Variants in DPY19L4 observed in about 807,000 individuals in gnomAD.
DPY19L4 encodes dpy-19 like 4.
In DPY19L4, 97 loss-of-function variants were observed where a neutral mutation model predicts 102.8. The observed-to-expected ratio is 0.94, with a 90% CI of 0.80 to 1.12. The LOEUF is 1.12. Among genes scored for constraint, DPY19L4 ranks in the 50% most tolerant of loss-of-function variants. DPY19L4 has a pLI of 0.00. For synonymous variants in DPY19L4, 252 were observed against 283.1 expected, an observed-to-expected ratio of 0.89 and a Z score of 1.10; for missense variants, 815 against 850.4, an observed-to-expected ratio of 0.96 and a Z score of 0.52.
At chr8:94,760,638 A>G (rs746500181) in intron 7 of DPY19L4, among the ~76,000 whole-genome samples, 1 of 152,228 alleles carries the variant, frequency 6.6e-6, no homozygotes, top group African/African-American at 2.4e-5. Context: ...CAGAGAGCAC[A>G]GTTCTTATCT....
At chr8:94,745,877 C>T (rs1025688103) in intron 6 of DPY19L4, among the ~76,000 whole-genome samples, 3 of 152,032 alleles carry the variant, frequency 2.0e-5, no homozygotes, top group African/African-American at 4.8e-5. Context: ...GCCTCAGCCT[C>T]CCGAGTAGCT....
In DPY19L4 at chr8:94,751,118, C is replaced by CTTTCTTT. The variant is rs1261561359; in HGVS notation, c.612-4915_612-4914insCTTTTTT. On this transcript the variant is annotated intron_variant, in intron 6 of 18. Coordinates refer to ENST00000414645, the MANE Select transcript of DPY19L4 (RefSeq NM_181787.3). ...TTTCTAATACCTCCCTCTTTTCTTT[C>CTTTCTTT]TTTTCTTTTTTTTTTTTTGAGACAG... is the stretch of plus-strand genomic sequence containing the variant. Among the ~76,000 whole-genome samples, 250 of 116,946 alleles carry CTTTCTTT rather than the reference C, an allele frequency of 2.1e-3. 1 individual carries two copies. Among genetic ancestry groups the CTTTCTTT allele is most frequent in the Admixed American group, 5.1e-3 (61 of 12,068 alleles). 76.7% of individuals were successfully genotyped at this position (116,946 alleles called of 152,430 possible).
chr8:94,783,293 A>T (rs1813512931), intron 16 of DPY19L4, among the ~76,000 whole-genome samples: 1 of 151,416 alleles, frequency 6.6e-6, no homozygotes, highest in Admixed American at 6.6e-5. Flanking sequence ...AATTTGCAAA[A>T]GATGGAGTTG....
chr8:94,770,199 G>A (rs940686504), intron 12 of DPY19L4, among the ~76,000 whole-genome samples: 32 of 151,818 alleles, frequency 2.1e-4, no homozygotes, highest in Non-Finnish European at 5.9e-5. Context: ...TTTTTATTTT[G>A]CTGAAAATTC....
intron 3 of DPY19L4, among the ~76,000 whole-genome samples, chr8:94,735,688 A>T (rs1394555477): frequency 6.6e-6 from 1 of 152,214 alleles, no homozygotes; most frequent in Non-Finnish European, 1.5e-5. Context: ...GAAGGCCTTC[A>T]TTAAGAACTT....
intron 6 of DPY19L4, among the ~76,000 whole-genome samples, chr8:94,742,558 AAT>A (rs1491236239): frequency 7.8e-5 from 9 of 114,990 alleles, no homozygotes; most frequent in African/African-American, 3.6e-4. Flanking sequence ...ATGCCTGGCT[AAT>A]TTTTTTTTTT....
intron 13 of DPY19L4, among the ~76,000 whole-genome samples, chr8:94,772,421 T>A (rs1280985357): frequency 6.6e-6 from 1 of 152,154 alleles, no homozygotes; most frequent in East Asian, 1.9e-4. Flanking sequence ...TTACAGTTGG[T>A]TACAGTGAAA....
chr8:94,791,867 A>G lies in DPY19L4; in HGVS notation c.*1957A>G, dbSNP rs764348417. ...GTTAATGGGATGTTTTAAATAATGA[A>G]TTTTTCATCCAGCATCAGTTGAAAA... is the stretch of plus-strand genomic sequence containing the variant. On this transcript the variant is annotated 3_prime_UTR_variant, in exon 19 of 19. Coordinates refer to ENST00000414645, the MANE Select transcript of DPY19L4 (RefSeq NM_181787.3). The G allele has an allele frequency of 1.3e-5, 2 of 152,140 alleles. No homozygotes were observed. The allele number at this position is 152,140 out of a possible 1,614,324, so 9.4% of individuals were successfully genotyped here.
intron 2 of DPY19L4, among the ~76,000 whole-genome samples, chr8:94,728,618 G>A (rs1365377600): frequency 6.6e-6 from 1 of 152,144 alleles, no homozygotes; most frequent in African/African-American, 2.4e-5. Context: ...AACTATATTT[G>A]GGAGCTGGAA....
At chr8:94,778,012 C>T (rs1813264039) in intron 14 of DPY19L4, among the ~76,000 whole-genome samples, 1 of 152,106 alleles carries the variant, frequency 6.6e-6, no homozygotes, top group Non-Finnish European at 1.5e-5. Flanking sequence ...GGGTGGATCA[C>T]TTGAGGCCAG....
intron 7 of DPY19L4, among the ~76,000 whole-genome samples, chr8:94,759,567 C>A (rs935468552): frequency 7.7e-6 from 1 of 129,930 alleles, no homozygotes; most frequent in Non-Finnish European, 1.5e-5. Context: ...AGTGCAATGG[C>A]ATGATCTCAG....
intron 12 of DPY19L4, among the ~76,000 whole-genome samples, chr8:94,769,436 A>G (rs1812825709): frequency 6.6e-6 from 1 of 152,232 alleles, no homozygotes; most frequent in Admixed American, 6.5e-5. Flanking sequence ...TATAACTGAT[A>G]TTTAAATAAT....
chr8:94,735,583 G>A (rs140963015), intron 3 of DPY19L4, among the ~76,000 whole-genome samples: 17 of 152,320 alleles, frequency 1.1e-4, no homozygotes, highest in African/African-American at 3.8e-4. Flanking sequence ...TTAGGTAGGG[G>A]CAGTGGGACA....
chr8:94,770,876 C>A (rs1812898902), intron 13 of DPY19L4, among the ~76,000 whole-genome samples: 1 of 149,586 alleles, frequency 6.7e-6, no homozygotes, highest in Non-Finnish European at 1.5e-5. Context: ...AGTGACAGAA[C>A]AAGACCCCGT....
At chr8:94,779,692 GTAGT>G (rs1319397363) in intron 14 of DPY19L4, among the ~76,000 whole-genome samples, 1 of 152,036 alleles carries the variant, frequency 6.6e-6, no homozygotes, top group African/African-American at 2.4e-5. Flanking sequence ...AATGAAAAAA[GTAGT>G]TAGAAGATCA....
rs375207219 is a variant in DPY19L4 at position 94,738,424 on chromosome 8, A to G, written c.308A>G (p.Tyr103Cys). 2 of 1,565,318 alleles carry G rather than the reference A, an allele frequency of 1.3e-6. No individual in the cohort carries two copies. The highest frequency in any genetic ancestry group is 2.5e-5 in the South Asian group (2 of 79,126). Residue 103 changes from tyrosine (Y) to cysteine (C), a missense_variant, in exon 4 of 19, where the codon TAT becomes TGT. Coordinates refer to ENST00000414645, the MANE Select transcript of DPY19L4 (RefSeq NM_181787.3). ...GACAGTGCCATTTATTACTCCTATTATAAAGATATGTTAAAGGCACCTTCA... is the reference window on the plus strand; with the variant it reads ...GACAGTGCCATTTATTACTCCTATTGTAAAGATATGTTAAAGGCACCTTCA... ...QGDSAIYYSY[Y>C]KDMLKAPSFE...
intron 16 of DPY19L4, 150 bp downstream of exon 16, chr8:94,781,316 C>A: frequency 3.3e-6 from 2 of 610,776 alleles, no homozygotes; most frequent in Non-Finnish European, 5.1e-6. Context: ...TTTGGTTGGA[C>A]TTAGTGATAC....
rs1229431580 is a variant in DPY19L4, at chr8:94,720,027, G to A, written c.16+13G>A. The stretch of plus-strand genomic sequence containing the variant: ...GCGGAGGAAGAAGGTGATTGCCGCG[G>A]GGTCCAGCGCGCCAACGGCTGCCAG... On this transcript the variant is annotated intron_variant, in intron 1 of 18. Coordinates refer to ENST00000414645, the MANE Select transcript of DPY19L4 (RefSeq NM_181787.3). 2.6e-6 allele frequency: 4 copies of A among 1,530,056 alleles called. No homozygotes were observed. The highest frequency in any genetic ancestry group is 2.4e-5 in the South Asian group (2 of 81,974). The allele number at this position is 1,530,056 out of a possible 1,614,324, so 94.8% of individuals were successfully genotyped here.
chr8:94,723,589 G>C (rs1201787769), intron 1 of DPY19L4, among the ~76,000 whole-genome samples: 2 of 152,096 alleles, frequency 1.3e-5, no homozygotes, highest in African/African-American at 4.8e-5. Context: ...TCCACCTAGA[G>C]ATGTGTGACT....
Sources: allele counts gnomAD v4.1 joint callset (sites outside exome capture counted in the v4.1 genomes callset), GRCh38; gene constraint gnomAD v4.1.1; transcripts MANE v1.5; gene names NCBI Gene and HGNC (gene_info 2026-07-23, HGNC 2026-07-21).